The following PGA5 variants were observed in gnomAD, a reference collection of about 807,000 sequenced individuals.
PGA5 encodes pepsinogen A5.
A neutral mutation model predicts 15.9 loss-of-function variants in PGA5; 19 were observed. That is an observed-to-expected ratio of 1.19 (90% CI 0.83 to 1.75). The LOEUF (loss-of-function observed/expected upper bound fraction) is 1.75, where lower values mean the gene tolerates loss of function less well. PGA5 is among the 40% of genes most tolerant of loss of function. The probability of loss-of-function intolerance (pLI) is 0.00; values close to 1 mark genes in which losing one functional copy is unlikely to be tolerated. For missense variants in PGA5, 224 were observed against 246.4 expected, an observed-to-expected ratio of 0.91 and a Z score of 0.61; for synonymous variants, 92 against 95.8, an observed-to-expected ratio of 0.96 and a Z score of 0.23.
At chr11:61,249,643 G>C in intron 6 of PGA5, 26 bp from the exon 7 acceptor site, 2 of 1,613,626 alleles carry the variant, frequency 1.2e-6, no homozygotes, top group Non-Finnish European at 1.7e-6. Context: ...AGGGCTCAGG[G>C]AGCTTAACTT....
rs200161876 is a variant in PGA5, at chr11:61,251,219, C to T, written c.1105C>T (p.Arg369Cys). The T allele has an allele frequency of 3.4e-5, 55 of 1,611,870 alleles. No individual in the cohort carries two copies. The highest frequency in any genetic ancestry group is 1.2e-4 in the South Asian group (11 of 90,986). Residue 369 changes from arginine to cysteine, a missense_variant, in exon 9 of 9, where the codon CGC (arginine) becomes TGC (cysteine). Physicochemically the swap from Arg to Cys is radical, Grantham distance 180. Transcript: ENST00000312403. ...TTGGATCCTGGGTGATGTCTTCATCCGCCAGTACTTTACCGTCTTCGACAG... is the reference window on the plus strand; with the variant it reads ...TTGGATCCTGGGTGATGTCTTCATCTGCCAGTACTTTACCGTCTTCGACAG... ...ELWILGDVFIRQYFTVFDRAN... is the reference protein window; with the variant it reads ...ELWILGDVFICQYFTVFDRAN...
chr11:61,249,929 G>A lies in PGA5; in HGVS notation c.932G>A (p.Cys311Tyr), dbSNP rs1302137717. 6.2e-7 allele frequency: 1 copy of A among 1,613,346 alleles called. No homozygotes were observed. The highest frequency in any genetic ancestry group is 1.3e-5 in the African/African-American group (1 of 74,540). The change falls in exon 8 of 9, where the codon TGC (cysteine) becomes TAC (tyrosine). Residue 311 changes from cysteine to tyrosine, a missense_variant. Cys to Tyr is a radical substitution (Grantham distance 194). Coordinates refer to ENST00000312403, the MANE Select transcript of PGA5 (RefSeq NM_014224.5). ...CACTCTTTCCAGATGGTGGTCAGCT[G>A]CTCAGCCATCAGCAGCCTGCCCGAC... is the stretch of plus-strand genomic sequence containing the variant. Reference protein sequence around the residue: ...ENSDGDMVVSCSAISSLPDIV... With the variant: ...ENSDGDMVVSYSAISSLPDIV...
chr11:61,248,335 C>T (rs541455021), intron 5 of PGA5, 84 bp from the exon 6 acceptor site: 15 of 1,613,680 alleles, frequency 9.3e-6, no homozygotes, highest in South Asian at 3.3e-5. Flanking sequence ...GCCCAATCAA[C>T]GGTCGCTCTG....
chr11:61,247,131 G>A (rs925502148), intron 5 of PGA5, among the ~76,000 whole-genome samples: 4 of 151,922 alleles, frequency 2.6e-5, no homozygotes, highest in East Asian at 1.9e-4. Flanking sequence ...GAAAGGGTTC[G>A]CCGTCATTCA....
At chr11:61,247,069 T>C (rs1854074233) in intron 5 of PGA5, among the ~76,000 whole-genome samples, 1 of 152,004 alleles carries the variant, frequency 6.6e-6, no homozygotes, top group Non-Finnish European at 1.5e-5. Context: ...CATCCTCCAC[T>C]TTCTTAAGAC....
intron 6 of PGA5, among the ~76,000 whole-genome samples, chr11:61,249,015 G>C (rs764785835): frequency 1.3e-5 from 2 of 152,052 alleles, no homozygotes; most frequent in African/African-American, 4.8e-5. Flanking sequence ...TCATTTCTAC[G>C]CTGTTCTTCC....
At chr11:61,247,554 G>C (rs1042006834) in intron 5 of PGA5, among the ~76,000 whole-genome samples, 1 of 152,056 alleles carries the variant, frequency 6.6e-6, no homozygotes, top group Non-Finnish European at 1.5e-5. Context: ...TGGGATTACA[G>C]GCATGAGCCA....
rs1485917498 is a variant in PGA5 at position 61,251,245 on chromosome 11, G to A, written c.1131G>A (p.Arg377=). 1.2e-6 allele frequency: 2 copies of A among 1,611,848 alleles called. No homozygotes were observed. The highest frequency in any genetic ancestry group is 1.7e-5 in the Admixed American group (1 of 60,012). ...FIRQYFTVFD[R]ANNQVGLAPV... is the part of the protein sequence containing the mutation. ...GCCAGTACTTTACCGTCTTCGACAG[G>A]GCAAACAACCAGGTCGGCCTGGCCC... The change falls in exon 9 of 9, where the codon AGG becomes AGA. Residue 377 remains arginine, a synonymous_variant. Transcript: ENST00000312403.
Position 61,251,363 on chromosome 11 carries a change from G to C in PGA5, c.*82G>C. On this transcript the variant is annotated 3_prime_UTR_variant, in exon 9 of 9. Coordinates refer to ENST00000312403, the MANE Select transcript of PGA5 (RefSeq NM_014224.5). Reference sequence around the variant, plus strand: ...TTAGATGTATCTAATTCTCCTGACTGTTCTTCCCAGGGGAGTGTGAAGGTC... The same window carrying C: ...TTAGATGTATCTAATTCTCCTGACTCTTCTTCCCAGGGGAGTGTGAAGGTC... 1 of 1,603,986 alleles carries C rather than the reference G, an allele frequency of 6.2e-7. No individual in the cohort carries two copies. The highest frequency in any genetic ancestry group is 8.5e-7 in the Non-Finnish European group (1 of 1,175,084).
intron 8 of PGA5, among the ~76,000 whole-genome samples, chr11:61,250,539 C>T (rs1373903372): frequency 6.6e-6 from 1 of 151,816 alleles, no homozygotes; most frequent in Non-Finnish European, 1.5e-5. Flanking sequence ...CAAGAAAACT[C>T]TTTCCCTTCT....
At position 61,251,407 on chromosome 11, in the gene PGA5, C is replaced by G; in HGVS notation, c.*126C>G. ...GAAGGTCTTGGCCCTGTTCCCTGTC[C>G]TACCAATAACGTAGAATAAAAACAT... On this transcript the variant is annotated 3_prime_UTR_variant, in exon 9 of 9. Coordinates refer to ENST00000312403, the MANE Select transcript of PGA5 (RefSeq NM_014224.5). 6.7e-7 allele frequency: 1 copy of G among 1,483,240 alleles called. No individual in the cohort carries two copies. The highest frequency in any genetic ancestry group is 9.0e-7 in the Non-Finnish European group (1 of 1,106,180). The allele number at this position is 1,483,240 out of a possible 1,614,324, so 91.9% of individuals were successfully genotyped here.
At chr11:61,249,629 CCT>C (rs747580136) in intron 6 of PGA5, 38 bp from the exon 7 acceptor site, 19 of 1,613,470 alleles carry the variant, frequency 1.2e-5, no homozygotes, top group Admixed American at 1.7e-5. Flanking sequence ...GAGATGAACC[CCT>C]GAGGGCTCAG....
At position 61,249,748 on chromosome 11, in the gene PGA5, G is replaced by C; in HGVS notation, c.853G>C (p.Gly285Arg). The C allele has an allele frequency of 2.5e-6, 4 of 1,613,522 alleles. No individual in the cohort carries two copies. Among genetic ancestry groups the C allele is most frequent in the Non-Finnish European group, 8.5e-7 (1 of 1,179,832 alleles). ...TGACACCGGCACCTCTCTGCTGACCGGCCCAACCAGCCCCATTGCCAACAT... is the reference window on the plus strand; with the variant it reads ...TGACACCGGCACCTCTCTGCTGACCCGCCCAACCAGCCCCATTGCCAACAT... ...IVDTGTSLLT[G>R]PTSPIANIQS... Residue 285 changes from glycine to arginine, a missense_variant, in exon 7 of 9, where the codon GGC (glycine) becomes CGC (arginine). Physicochemically the swap from Gly to Arg is moderately radical, Grantham distance 125 (BLOSUM62 -2). Coordinates refer to ENST00000312403, the MANE Select transcript of PGA5 (RefSeq NM_014224.5).
rs369723730 is a variant in PGA5 at position 61,251,240 on chromosome 11, G to C, written c.1126G>C (p.Asp376His). 10 of 1,611,806 alleles carry C rather than the reference G, an allele frequency of 6.2e-6. No individual in the cohort carries two copies. Among genetic ancestry groups the C allele is most frequent in the Non-Finnish European group, 7.6e-6 (9 of 1,179,864 alleles). ...CATCCGCCAGTACTTTACCGTCTTC[G>C]ACAGGGCAAACAACCAGGTCGGCCT... ...VFIRQYFTVF[D>H]RANNQVGLAP... The change falls in exon 9 of 9, where the codon GAC becomes CAC. Residue 376 changes from aspartate (D) to histidine (H), a missense_variant. Coordinates refer to ENST00000312403, the MANE Select transcript of PGA5 (RefSeq NM_014224.5).
At position 61,249,950 on chromosome 11, in the gene PGA5, C is replaced by A. The variant is rs753108781; in HGVS notation, c.953C>A (p.Pro318His). 3 of 1,613,122 alleles carry A rather than the reference C, an allele frequency of 1.9e-6. No homozygotes were observed. The Admixed American group carries it at 5.0e-5, about 27-fold the overall frequency. The change falls in exon 8 of 9, where the codon CCC (proline) becomes CAC (histidine). Residue 318 changes from proline (P) to histidine (H), a missense_variant. Transcript: ENST00000312403. ...AGCTGCTCAGCCATCAGCAGCCTGC[C>A]CGACATCGTCTTCACCATCAATGGA... ...VVSCSAISSL[P>H]DIVFTINGVQ... is the part of the protein sequence containing the mutation.
chr11:61,248,590 T>C, intron 6 of PGA5, 55 bp downstream of exon 6: 1 of 1,602,590 alleles, frequency 6.2e-7, no homozygotes, highest in Admixed American at 1.7e-5. Flanking sequence ...TCCCATTTCC[T>C]TATGGATTCA....
chr11:61,249,901 C>A lies in PGA5; in HGVS notation c.919-15C>A, dbSNP rs1461320814. On this transcript the variant is annotated splice_polypyrimidine_tract_variant and intron_variant, in intron 7 of 8. Transcript: ENST00000312403. ...CGAAAACCCTTCTAACTTTTCTCACCCTCACTCTTTCCAGATGGTGGTCAG... is the reference window on the plus strand; with the variant it reads ...CGAAAACCCTTCTAACTTTTCTCACACTCACTCTTTCCAGATGGTGGTCAG... 5.6e-6 allele frequency: 9 copies of A among 1,613,444 alleles called. No homozygotes were observed. Among genetic ancestry groups the A allele is most frequent in the South Asian group, 1.1e-5 (1 of 91,056 alleles).
In PGA5 at chr11:61,251,312, G is replaced by T. The variant is rs1441142141; in HGVS notation, c.*31G>T. ...AGTCTCTTCAGCCACCTCCCAGGAAGATCTGGCCTCCGTCCTATGCCCACT... is the reference window on the plus strand; with the variant it reads ...AGTCTCTTCAGCCACCTCCCAGGAATATCTGGCCTCCGTCCTATGCCCACT... On this transcript the variant is annotated 3_prime_UTR_variant, in exon 9 of 9. Transcript: ENST00000312403. 6.2e-7 allele frequency: 1 copy of T among 1,611,902 alleles called. No homozygotes were observed. The highest frequency in any genetic ancestry group is 1.1e-5 in the South Asian group (1 of 90,978).
intron 5 of PGA5, chr11:61,248,117 C>A: frequency 8.8e-6 from 6 of 679,410 alleles, no homozygotes; most frequent in Non-Finnish European, 1.6e-5. Flanking sequence ...ACGGTGGAAA[C>A]CACACATTCA....
Sources: allele counts gnomAD v4.1 joint callset (sites outside exome capture counted in the v4.1 genomes callset), GRCh38; gene constraint gnomAD v4.1.1; transcripts MANE v1.5; gene names NCBI Gene and HGNC (gene_info 2026-07-23, HGNC 2026-07-21).